The following CDK8 variants were observed in gnomAD, a reference collection of about 807,000 sequenced individuals.
The protein encoded by CDK8 is cyclin dependent kinase 8.
CDK8 carries 29 observed loss-of-function variants against 71.5 expected under a neutral mutation model. The observed-to-expected ratio is 0.41, with a 90% CI of 0.30 to 0.55. The LOEUF (loss-of-function observed/expected upper bound fraction) is 0.55, where lower values mean the gene tolerates loss of function less well. Ranked by LOEUF, CDK8 falls within the 20% of genes least tolerant of loss-of-function variation. The pLI, the probability that CDK8 is intolerant of heterozygous loss-of-function variation, is 0.37. For synonymous variants in CDK8, 161 were observed against 192.1 expected (o/e 0.84, Z 1.34); for missense variants, 288 against 572.6 (o/e 0.50, Z 5.07).
intron 1 of CDK8, among the ~76,000 whole-genome samples, chr13:26,330,328 C>T (rs1265725435): frequency 6.6e-6 from 1 of 152,122 alleles, no homozygotes; most frequent in East Asian, 1.9e-4. Context: ...GCTTCGGCCT[C>T]CCTAGTAGCT....
rs1593223160 is a variant in CDK8, at chr13:26,262,158, A to G, written c.128+7389A>G. 2.0e-5 allele frequency among the ~76,000 whole-genome samples: 3 copies of G among 152,216 alleles called. No individual in the cohort carries two copies. In the East Asian group the frequency reaches 5.8e-4, roughly 29 times the overall value. On this transcript the variant is annotated intron_variant, in intron 1 of 12. Coordinates refer to ENST00000381527, the MANE Select transcript of CDK8 (RefSeq NM_001260.3). The stretch of plus-strand genomic sequence containing the variant: ...AAAAAAATCCTAACTACGTATCTTA[A>G]CATACAACTCCAATAAGTCCCACTT...
intron 3 of CDK8, among the ~76,000 whole-genome samples, chr13:26,352,034 G>A (rs1461302199): frequency 6.6e-6 from 1 of 151,550 alleles, no homozygotes; most frequent in Non-Finnish European, 1.5e-5. Context: ...TGTACATGAA[G>A]AAATATATAT....
At chr13:26,402,215 GT>G (rs1238915900) in intron 12 of CDK8, among the ~76,000 whole-genome samples, 3 of 152,174 alleles carry the variant, frequency 2.0e-5, no homozygotes, top group Admixed American at 2.0e-4. Flanking sequence ...GCTTGTAGAG[GT>G]TAAATAACTT....
intron 4 of CDK8, among the ~76,000 whole-genome samples, chr13:26,354,146 G>A (rs552455886): frequency 1.7e-4 from 26 of 152,176 alleles, no homozygotes; most frequent in African/African-American, 6.0e-4. Flanking sequence ...CATAAATAAA[G>A]CATTGGCTTG....
intron 1 of CDK8, among the ~76,000 whole-genome samples, chr13:26,319,719 T>A (rs1874678793): frequency 6.8e-6 from 1 of 146,130 alleles, no homozygotes; most frequent in African/African-American, 2.6e-5. Context: ...AAAAAACCCA[T>A]CCTGAAATTA....
chr13:26,336,834 G>A (rs536380276), intron 1 of CDK8, among the ~76,000 whole-genome samples: 2 of 152,148 alleles, frequency 1.3e-5, no homozygotes, highest in African/African-American at 4.8e-5. Context: ...GATTACAGGC[G>A]TGAGCCACCG....
chr13:26,271,797 A>G (rs1872331456), intron 1 of CDK8, among the ~76,000 whole-genome samples: 1 of 121,516 alleles, frequency 8.2e-6, no homozygotes. Context: ...GGACAGAGTG[A>G]GACCCTGTCT....
chr13:26,268,277 A>G (rs1872129745), intron 1 of CDK8, among the ~76,000 whole-genome samples: 1 of 149,726 alleles, frequency 6.7e-6, no homozygotes, highest in Non-Finnish European at 1.5e-5. Flanking sequence ...ACACACACAC[A>G]CACACACACA....
chr13:26,297,916 G>A (rs138960205), intron 1 of CDK8, among the ~76,000 whole-genome samples: 8 of 152,252 alleles, frequency 5.3e-5, no homozygotes, highest in African/African-American at 1.9e-4. Flanking sequence ...CAGGGTTATA[G>A]GGTGCTGTCC....
intron 2 of CDK8, among the ~76,000 whole-genome samples, chr13:26,346,684 T>C (rs1873473750): frequency 6.6e-6 from 1 of 152,236 alleles, no homozygotes; most frequent in African/African-American, 2.4e-5. Flanking sequence ...TATTAGCGTT[T>C]AGGTTTCTGA....
chr13:26,340,877 G>A (rs976738931), intron 2 of CDK8, among the ~76,000 whole-genome samples: 1 of 152,090 alleles, frequency 6.6e-6, no homozygotes, highest in African/African-American at 2.4e-5. Context: ...GAGGGAGGAA[G>A]GAACTCTGAA....
intron 1 of CDK8, among the ~76,000 whole-genome samples, chr13:26,278,225 C>T (rs1296805352): frequency 6.6e-6 from 1 of 152,188 alleles, no homozygotes; most frequent in African/African-American, 2.4e-5. Flanking sequence ...TAGAGAACAT[C>T]AGCCTGAATG....
chr13:26,291,736 C>G (rs1462454722), intron 1 of CDK8, among the ~76,000 whole-genome samples: 1 of 152,154 alleles, frequency 6.6e-6, no homozygotes, highest in African/African-American at 2.4e-5. Flanking sequence ...TGATTTGGTT[C>G]TGTTACATAG....
intron 1 of CDK8, among the ~76,000 whole-genome samples, chr13:26,327,082 A>G (rs944177264): frequency 6.6e-6 from 1 of 152,198 alleles, no homozygotes; most frequent in African/African-American, 2.4e-5. Context: ...TCTAGAAACA[A>G]AAATCAATTT....
intron 1 of CDK8, among the ~76,000 whole-genome samples, chr13:26,289,345 G>A (rs747320707): frequency 3.3e-5 from 5 of 152,198 alleles, no homozygotes; most frequent in African/African-American, 4.8e-5. Context: ...GAGCCACTGC[G>A]CCCGGCCAGC....
At chr13:26,402,254 T>A (rs1876298191) in intron 12 of CDK8, among the ~76,000 whole-genome samples, 1 of 152,228 alleles carries the variant, frequency 6.6e-6, no homozygotes, top group Non-Finnish European at 1.5e-5. Context: ...AAGCTGTAGA[T>A]GCAGGACTCA....
intron 1 of CDK8, among the ~76,000 whole-genome samples, chr13:26,332,023 C>T (rs372979365): frequency 2.0e-5 from 3 of 152,022 alleles, no homozygotes; most frequent in African/African-American, 7.2e-5. Flanking sequence ...TAGAGATTTC[C>T]ATCTCCCTAG....
At chr13:26,339,889 A>G (rs1593274314) in intron 2 of CDK8, among the ~76,000 whole-genome samples, 1 of 150,582 alleles carries the variant, frequency 6.6e-6, no homozygotes, top group Non-Finnish European at 1.5e-5. Flanking sequence ...ACTTTTTTCC[A>G]TATTTCTGCT....
At chr13:26,274,263 T>C (rs971076925) in intron 1 of CDK8, among the ~76,000 whole-genome samples, 2 of 152,148 alleles carry the variant, frequency 1.3e-5, no homozygotes, top group African/African-American at 4.8e-5. Flanking sequence ...GATCAATAGT[T>C]TTATTATTGT....
Sources: allele counts gnomAD v4.1 joint callset (sites outside exome capture counted in the v4.1 genomes callset), GRCh38; gene constraint gnomAD v4.1.1; transcripts MANE v1.5; gene names NCBI Gene and HGNC (gene_info 2026-07-23, HGNC 2026-07-21).